The following UTS2B variants were observed in gnomAD, a reference collection of about 807,000 sequenced individuals.
UTS2B encodes the protein urotensin-2B.
A neutral mutation model predicts 19.2 loss-of-function variants in UTS2B; 21 were observed. The observed-to-expected ratio is 1.09, with a 90% confidence interval of 0.78 to 1.58. The LOEUF (loss-of-function observed/expected upper bound fraction) is 1.58, where lower values mean the gene tolerates loss of function less well. UTS2B is among the 40% of genes most tolerant of loss of function. The probability of loss-of-function intolerance (pLI) is 0.00; values close to 1 mark genes in which losing one functional copy is unlikely to be tolerated. For missense variants in UTS2B, 138 were observed against 130.3 expected, an observed-to-expected ratio of 1.06 and a Z score of -0.29; for synonymous variants, 57 against 50.2, an observed-to-expected ratio of 1.14 and a Z score of -0.58.
rs1485087171 is a variant in UTS2B, at chr3:191,302,866, C to T, written c.-125+1626G>A. On this transcript the variant is annotated intron_variant, in intron 4 of 8. Coordinates refer to ENST00000340524, the MANE Select transcript of UTS2B (RefSeq NM_198152.5). Reference sequence around the variant, plus strand: ...TCTCTGTTCCCCTAGTCTCTTGCTCCTCTTTCCCTCCCAAAGCAGGCATGA... The same window carrying T: ...TCTCTGTTCCCCTAGTCTCTTGCTCTTCTTTCCCTCCCAAAGCAGGCATGA... Among the ~76,000 whole-genome samples the T allele has an allele frequency of 2.0e-5, 3 of 152,224 alleles. No homozygotes were observed. In the East Asian group the frequency reaches 5.8e-4, roughly 29 times the overall value.
chr3:191,332,061 G>C (rs1718006023), upstream of UTS2B, among the ~76,000 whole-genome samples: 1 of 152,156 alleles, frequency 6.6e-6, no homozygotes, highest in African/African-American at 2.4e-5. Context: ...GATTCCAATA[G>C]AGATTAAGAA....
chr3:191,291,762 TAAGTA>T (rs1716725571), intron 4 of UTS2B, among the ~76,000 whole-genome samples: 1 of 152,060 alleles, frequency 6.6e-6, no homozygotes. Flanking sequence ...TGATCTACTT[TAAGTA>T]AAGTTTTATA....
the UTS2B span, among the ~76,000 whole-genome samples, chr3:191,341,341 T>G: frequency 9.2e-5 from 14 of 152,188 alleles, no homozygotes; most frequent in African/African-American, 3.1e-4. Context: ...TTATCTAATT[T>G]AGTCCTCACA....
intron 2 of UTS2B, among the ~76,000 whole-genome samples, chr3:191,327,239 T>C (rs1225479686): frequency 6.6e-6 from 1 of 152,204 alleles, no homozygotes; most frequent in African/African-American, 2.4e-5. Context: ...CTCGTGCCTG[T>C]AATCCCAGCA....
chr3:191,294,039 G>C (rs553290199), intron 4 of UTS2B, among the ~76,000 whole-genome samples: 1 of 151,652 alleles, frequency 6.6e-6, no homozygotes, highest in African/African-American at 2.4e-5. Flanking sequence ...ACCTGGGAGG[G>C]GGAGGTTGCG....
In UTS2B at chr3:191,278,180, T is replaced by A; in HGVS notation, c.104-10A>T. The A allele has an allele frequency of 7.1e-7, 1 of 1,415,126 alleles. No homozygotes were observed. 87.7% of individuals were successfully genotyped at this position (1,415,126 alleles called of 1,614,324 possible). ...GGAAATATTTCATTTCCTATAATGA[T>A]CAAAAACCACCATTTTCAATTTGAG... On this transcript the variant is annotated splice_polypyrimidine_tract_variant and intron_variant, in intron 5 of 8. Coordinates refer to ENST00000340524, the MANE Select transcript of UTS2B (RefSeq NM_198152.5).
At chr3:191,286,642 C>T (rs1258362334) in intron 4 of UTS2B, among the ~76,000 whole-genome samples, 1 of 151,278 alleles carries the variant, frequency 6.6e-6, no homozygotes, top group Non-Finnish European at 1.5e-5. Flanking sequence ...AAGTCTGTAC[C>T]AATAAATGCC....
At chr3:191,292,747 G>A (rs1716752468) in intron 4 of UTS2B, among the ~76,000 whole-genome samples, 1 of 152,148 alleles carries the variant, frequency 6.6e-6, no homozygotes, top group Admixed American at 6.5e-5. Context: ...AGAGGGTAAA[G>A]CTTTCAACTT....
chr3:191,273,428 G>C (rs144387446), intron 8 of UTS2B: 3 of 455,178 alleles, frequency 6.6e-6, no homozygotes, highest in Non-Finnish European at 8.8e-6. Context: ...GACTAATCCC[G>C]GCCAATGGAC....
At chr3:191,327,759 A>G (rs926445482) in intron 2 of UTS2B, among the ~76,000 whole-genome samples, 2 of 152,216 alleles carry the variant, frequency 1.3e-5, no homozygotes, top group Non-Finnish European at 2.9e-5. Flanking sequence ...GAGAAGTAGA[A>G]ACGATAGATT....
intron 1 of UTS2B, chr3:191,329,031 G>C (rs910238767): frequency 6.6e-6 from 1 of 152,370 alleles, no homozygotes; most frequent in African/African-American, 2.4e-5. Flanking sequence ...TAAACATCCT[G>C]TGTTAATCTC....
At chr3:191,273,973 A>G (rs1716163102) in intron 8 of UTS2B, among the ~76,000 whole-genome samples, 1 of 152,120 alleles carries the variant, frequency 6.6e-6, no homozygotes, top group Non-Finnish European at 1.5e-5. Flanking sequence ...GTGATGGTGC[A>G]TGCCTGTAAT....
chr3:191,334,434 A>C (rs1718078853), upstream of UTS2B, among the ~76,000 whole-genome samples: 1 of 152,190 alleles, frequency 6.6e-6, no homozygotes, highest in African/African-American at 2.4e-5. Context: ...ACACGTGGGA[A>C]ACCATAGTTA....
chr3:191,309,485 A>G (rs1335946064), intron 3 of UTS2B, among the ~76,000 whole-genome samples: 1 of 151,708 alleles, frequency 6.6e-6, no homozygotes, highest in African/African-American at 2.4e-5. Context: ...TTTGTTTTAG[A>G]CTATGTTTTC....
At chr3:191,319,885 AC>A (rs1717569096) in intron 2 of UTS2B, among the ~76,000 whole-genome samples, 1 of 143,530 alleles carries the variant, frequency 7.0e-6, no homozygotes. Flanking sequence ...AAAAAAAGCC[AC>A]TTTTTTTTTT....
chr3:191,291,315 C>A (rs560164996), intron 4 of UTS2B, among the ~76,000 whole-genome samples: 169 of 152,148 alleles, frequency 1.1e-3, no homozygotes, highest in Non-Finnish European at 1.9e-3. Flanking sequence ...TGAAAAAAGT[C>A]CAATGTATCT....
chr3:191,317,518 A>G (rs1446517207), intron 2 of UTS2B, among the ~76,000 whole-genome samples: 3 of 152,246 alleles, frequency 2.0e-5, no homozygotes, highest in Non-Finnish European at 4.4e-5. Flanking sequence ...GGAGGCGCTG[A>G]GAGCGAGCGA....
chr3:191,271,414 A>G (rs1328958804), intron 8 of UTS2B, among the ~76,000 whole-genome samples: 1 of 152,138 alleles, frequency 6.6e-6, no homozygotes, highest in African/African-American at 2.4e-5. Context: ...CCTCAGCTGC[A>G]GCACCCAATT....
intron 5 of UTS2B, among the ~76,000 whole-genome samples, chr3:191,281,335 G>A (rs1018208714): frequency 6.6e-6 from 1 of 152,096 alleles, no homozygotes; most frequent in Non-Finnish European, 1.5e-5. Context: ...ATGTATTAAA[G>A]TTTCAATGAG....
Sources: allele counts gnomAD v4.1 joint callset (sites outside exome capture counted in the v4.1 genomes callset), GRCh38; gene constraint gnomAD v4.1.1; transcripts MANE v1.5; gene names NCBI Gene and HGNC (gene_info 2026-07-23, HGNC 2026-07-21).